The following PTPRN2 variants were observed in gnomAD, a reference collection of about 807,000 sequenced individuals.
PTPRN2 encodes protein tyrosine phosphatase receptor type N2, also known as receptor-type tyrosine-protein phosphatase N2.
A neutral mutation model predicts 118.8 loss-of-function variants in PTPRN2; 74 were observed. The ratio of observed to expected loss-of-function variants is 0.62; its 90% confidence interval spans 0.52 to 0.76. PTPRN2 has a LOEUF of 0.76. Among genes scored for constraint, PTPRN2 ranks in the 30% least tolerant of loss-of-function variants. The pLI, the probability that PTPRN2 is intolerant of heterozygous loss-of-function variation, is 0.00. For missense variants in PTPRN2, 1,481 were observed against 1,394.4 expected, an observed-to-expected ratio of 1.06 and a Z score of -0.99; for synonymous variants, 641 against 608.0, an observed-to-expected ratio of 1.05 and a Z score of -0.80.
At chr7:157,720,558 GC>G (rs2150912403) in intron 12 of PTPRN2, among the ~76,000 whole-genome samples, 1 of 152,366 alleles carries the variant, frequency 6.6e-6, no homozygotes, top group Admixed American at 6.5e-5. Context: ...GGACACTGCG[GC>G]CCCGGCTGCA....
intron 2 of PTPRN2, among the ~76,000 whole-genome samples, chr7:158,395,812 G>A (rs1812434492): frequency 6.7e-6 from 1 of 149,376 alleles, no homozygotes; most frequent in Admixed American, 6.6e-5. Context: ...GAGGGGCGAG[G>A]GGCGAGGGCT....
rs1361592530 is a variant in PTPRN2 at position 157,986,898 on chromosome 7, AG to A, written c.1724-88162del. ...GACCCTCCAGAGTGAATCTGGAGCG[AG>A]GGGGCCCAGTGACTTTGGGGTCATT... On this transcript the variant is annotated intron_variant, in intron 11 of 22. Transcript: ENST00000389418. The surrounding 1 kb of genome is among the most constrained non-coding windows in gnomAD (Gnocchi z 4.5). Among the ~76,000 whole-genome samples the A allele has an allele frequency of 6.6e-6, 1 of 152,064 alleles. No homozygotes were observed. Among genetic ancestry groups the A allele is most frequent in the Non-Finnish European group, 1.5e-5 (1 of 68,002 alleles).
intron 17 of PTPRN2, among the ~76,000 whole-genome samples, chr7:157,582,699 C>T (rs1240030200): frequency 2.0e-5 from 3 of 151,956 alleles, no homozygotes; most frequent in African/African-American, 7.2e-5. Context: ...CATGGTGAAA[C>T]ACCATCTCTA....
intron 11 of PTPRN2, among the ~76,000 whole-genome samples, chr7:158,056,147 CCTTCGTATTGG>C (rs1809770640): frequency 6.6e-6 from 1 of 152,240 alleles, no homozygotes; most frequent in Admixed American, 6.5e-5. Context: ...GCTCCTCCTG[CCTTCGTATTGG>C]CCTTGGTAAC....
intron 11 of PTPRN2, among the ~76,000 whole-genome samples, chr7:158,077,986 C>G (rs989299715): frequency 6.6e-6 from 1 of 152,062 alleles, no homozygotes; most frequent in African/African-American, 2.4e-5. Context: ...GAGCAAAACC[C>G]ACTTATTTTT....
intron 11 of PTPRN2, among the ~76,000 whole-genome samples, chr7:157,899,987 G>C (rs897951006): frequency 7.2e-5 from 11 of 152,162 alleles, no homozygotes; most frequent in African/African-American, 2.4e-4. Context: ...CTGACAGATT[G>C]GCAAGCTTCT....
chr7:158,245,813 G>T (rs939650215), intron 3 of PTPRN2, among the ~76,000 whole-genome samples: 7 of 152,258 alleles, frequency 4.6e-5, no homozygotes, highest in African/African-American at 1.7e-4. Context: ...TCGCTTGTGC[G>T]TGGCCACCAT....
chr7:157,840,269 C>G (rs578169912), intron 12 of PTPRN2, among the ~76,000 whole-genome samples: 1 of 143,156 alleles, frequency 7.0e-6, no homozygotes, highest in Non-Finnish European at 1.5e-5. Flanking sequence ...GACTGTGTGG[C>G]CGCGTGTGAC....
rs557075735 is a variant in PTPRN2 at position 157,757,100 on chromosome 7, G to C, written c.1789-74163C>G. Among the ~76,000 whole-genome samples the C allele has an allele frequency of 6.6e-5, 10 of 151,766 alleles. No homozygotes were observed. In the South Asian group the frequency reaches 2.1e-3, roughly 32 times the overall value. On this transcript the variant is annotated intron_variant, in intron 12 of 22. Coordinates refer to ENST00000389418, the MANE Select transcript of PTPRN2 (RefSeq NM_002847.5). ...ATGCTATGCGGCTCACAAGATAAAA[G>C]TTTTTTTTTAAAACCTCCCCCACCC... is the stretch of plus-strand genomic sequence containing the variant.
chr7:158,296,270 C>T (rs1208785151), intron 3 of PTPRN2, among the ~76,000 whole-genome samples: 3 of 152,094 alleles, frequency 2.0e-5, no homozygotes, highest in South Asian at 2.1e-4. Context: ...AGGAGCACAC[C>T]GGCAGAAGAA....
rs1267396743 is a variant in PTPRN2 at position 157,887,446 on chromosome 7, C to T, written c.1788+11227G>A. The stretch of plus-strand genomic sequence containing the variant: ...CCCCAGTACCCACTCCCCCAGTACC[C>T]ACTTCCTCCAGTACCCGCTCCCCCC... On this transcript the variant is annotated intron_variant, in intron 12 of 22. Transcript: ENST00000389418. Among the ~76,000 whole-genome samples the T allele has an allele frequency of 4.6e-4, 52 of 111,830 alleles. 1 individual carries two copies. Among genetic ancestry groups the T allele is most frequent in the African/African-American group, 1.5e-3 (43 of 28,656 alleles). 73.4% of individuals were successfully genotyped at this position (111,830 alleles called of 152,430 possible).
intron 9 of PTPRN2, among the ~76,000 whole-genome samples, chr7:158,125,880 G>T (rs967914910): frequency 6.6e-6 from 1 of 152,138 alleles, no homozygotes; most frequent in African/African-American, 2.4e-5. Context: ...TCCGGACCTC[G>T]GCTGCACCCC....
At chr7:158,428,487 G>A (rs1239148485) in intron 2 of PTPRN2, among the ~76,000 whole-genome samples, 2 of 152,172 alleles carry the variant, frequency 1.3e-5, no homozygotes, top group Non-Finnish European at 2.9e-5. Flanking sequence ...TGCTGGCATT[G>A]GCTGTTTCTC....
At chr7:158,314,200 T>C (rs1158652135) in intron 3 of PTPRN2, among the ~76,000 whole-genome samples, 1 of 152,202 alleles carries the variant, frequency 6.6e-6, no homozygotes, top group African/African-American at 2.4e-5. Context: ...GGGGAAGTTC[T>C]GAAAGAGTCA....
At chr7:158,152,681 C>T (rs1486797295) in intron 6 of PTPRN2, among the ~76,000 whole-genome samples, 1 of 152,240 alleles carries the variant, frequency 6.6e-6, no homozygotes, top group Non-Finnish European at 1.5e-5. Flanking sequence ...ACCCTGGCCC[C>T]TACCACACTC....
intron 9 of PTPRN2, among the ~76,000 whole-genome samples, chr7:158,123,894 G>A (rs540055340): frequency 1.1e-4 from 16 of 152,180 alleles, no homozygotes; most frequent in South Asian, 1.0e-3. Flanking sequence ...ATCCCGTGCC[G>A]ACCCAGGCGG....
intron 4 of PTPRN2, among the ~76,000 whole-genome samples, chr7:158,204,658 C>T (rs1826974826): frequency 6.6e-6 from 1 of 152,098 alleles, no homozygotes; most frequent in Non-Finnish European, 1.5e-5. Context: ...TCCTCACTTT[C>T]AAGAATCGGT....
Position 158,114,500 on chromosome 7 carries a change from C to T in PTPRN2, c.1557-3585G>A, listed in dbSNP as rs141892476. ...CATCAGTTGGGAGGGATGTGGAAGACGTGCCGCGGGAATGCTCTACTCTTC... is the reference window on the plus strand; with the variant it reads ...CATCAGTTGGGAGGGATGTGGAAGATGTGCCGCGGGAATGCTCTACTCTTC... On this transcript the variant is annotated intron_variant, in intron 9 of 22. Coordinates refer to ENST00000389418, the MANE Select transcript of PTPRN2 (RefSeq NM_002847.5). Among the ~76,000 whole-genome samples the T allele has an allele frequency of 1.4e-3, 215 of 152,314 alleles. 2 individuals carry two copies. Among genetic ancestry groups the T allele is most frequent in the African/African-American group, 4.9e-3 (204 of 41,574 alleles).
chr7:157,881,252 G>C lies in PTPRN2; in HGVS notation c.1788+17421C>G. On this transcript the variant is annotated intron_variant, in intron 12 of 22. Transcript: ENST00000389418. The surrounding 1 kb of genome is among the most constrained non-coding windows in gnomAD (Gnocchi z 4.7). ...ATTATGGTAAAATGAGGTCATGATGGTATGTGGAGATGGGGGTGTTTACAG... is the reference window on the plus strand; with the variant it reads ...ATTATGGTAAAATGAGGTCATGATGCTATGTGGAGATGGGGGTGTTTACAG... Among the ~76,000 whole-genome samples, 1 of 151,100 alleles carries C rather than the reference G, an allele frequency of 6.6e-6. No homozygotes were observed. The highest frequency in any genetic ancestry group is 2.5e-5 in the African/African-American group (1 of 40,650).
Sources: allele counts gnomAD v4.1 joint callset (sites outside exome capture counted in the v4.1 genomes callset), GRCh38; gene constraint gnomAD v4.1.1; non-coding constraint Gnocchi (gnomAD v3.1); transcripts MANE v1.5; gene names NCBI Gene and HGNC (gene_info 2026-07-23, HGNC 2026-07-21).